Variants in STPG3 observed in about 807,000 individuals in gnomAD.
STPG3 encodes sperm-tail PG-rich repeat containing 3.
In STPG3, 39 loss-of-function variants were observed where a neutral mutation model predicts 32.5. That is an observed-to-expected ratio of 1.20 (90% CI 0.93 to 1.57). STPG3 has a LOEUF of 1.57. STPG3 is among the 40% of genes most tolerant of loss of function. The pLI, the probability that STPG3 is intolerant of heterozygous loss-of-function variation, is 0.00. For synonymous variants in STPG3, 209 were observed against 172.4 expected (o/e 1.21, Z -1.66); for missense variants, 507 against 407.6 (o/e 1.24, Z -2.10).
At position 137,253,343 on chromosome 9, in the gene STPG3, C is replaced by T; in HGVS notation, c.*98C>T. On this transcript the variant is annotated 3_prime_UTR_variant, in exon 6 of 6. Transcript: ENST00000412566. Reference sequence around the variant, plus strand: ...CTCCCCTGGGACTTGGGGCCCCAGCCTGGCCTTCTGACCCTCTGGGCACCC... The same window carrying T: ...CTCCCCTGGGACTTGGGGCCCCAGCTTGGCCTTCTGACCCTCTGGGCACCC... 1.3e-6 allele frequency: 2 copies of T among 1,545,624 alleles called. No individual in the cohort carries two copies. Among genetic ancestry groups the T allele is most frequent in the Non-Finnish European group, 1.7e-6 (2 of 1,146,256 alleles).
At position 137,252,648 on chromosome 9, in the gene STPG3, C is replaced by T. The variant is rs1456403614; in HGVS notation, c.493-14C>T. ...AGCACCCTGCCCTGCAGCCCGTCTC[C>T]TACCCCCTCGCAGTGGCCCTCGCCA... On this transcript the variant is annotated splice_polypyrimidine_tract_variant and intron_variant, in intron 4 of 5. Coordinates refer to ENST00000412566, the MANE Select transcript of STPG3 (RefSeq NM_001004353.4). The T allele has an allele frequency of 6.5e-7, 1 of 1,535,962 alleles. No homozygotes were observed. Among genetic ancestry groups the T allele is most frequent in the South Asian group, 1.2e-5 (1 of 83,362 alleles).
chr9:137,251,320 C>A lies in STPG3; in HGVS notation c.34C>A (p.Leu12Met). Residue 12 changes from leucine to methionine, a missense_variant, in exon 1 of 6, where the codon CTG becomes ATG. Transcript: ENST00000412566. The part of the protein sequence containing the change: ...MNSDQKAVKF[L>M]ANFYINGGKH... ...TTCTGACCAGAAGGCAGTGAAATTC[C>A]TGGCAAATTTTTACATCAATGGAGG... 1 of 1,613,722 alleles carries A rather than the reference C, an allele frequency of 6.2e-7. No homozygotes were observed. Among genetic ancestry groups the A allele is most frequent in the Non-Finnish European group, 8.5e-7 (1 of 1,179,730 alleles).
rs749365342 is a variant in STPG3 at position 137,252,736 on chromosome 9, C to T, written c.567C>T (p.Ser189=). The change falls in exon 5 of 6, where the codon TCC becomes TCT. Residue 189 remains serine, a synonymous_variant. Transcript: ENST00000412566. The part of the protein sequence containing the change: ...FPAFSFRGCH[S]ASKTPEGHTH... ...CCTTCAGCTTCAGAGGCTGCCACTC[C>T]GCTTCCAAGACACCTGAAGGCCACA... The T allele has an allele frequency of 2.8e-5, 44 of 1,555,312 alleles. No homozygotes were observed. The highest frequency in any genetic ancestry group is 1.2e-4 in the African/African-American group (9 of 73,164).
chr9:137,253,273 C>G lies in STPG3; in HGVS notation c.*28C>G, dbSNP rs370672380. ...CCAGCTGGGCACAACCTGCTTGGCC[C>G]GGCCACCGAGTGGAACCATGGCCTC... On this transcript the variant is annotated 3_prime_UTR_variant, in exon 6 of 6. Coordinates refer to ENST00000412566, the MANE Select transcript of STPG3 (RefSeq NM_001004353.4). 2.5e-6 allele frequency: 4 copies of G among 1,591,404 alleles called. No homozygotes were observed. The highest frequency in any genetic ancestry group is 3.4e-6 in the Non-Finnish European group (4 of 1,169,856).
rs375334880 is a variant in STPG3 at position 137,253,129 on chromosome 9, C to T, written c.811C>T (p.Pro271Ser). 1.9e-6 allele frequency: 3 copies of T among 1,576,378 alleles called. No homozygotes were observed. The highest frequency in any genetic ancestry group is 2.6e-6 in the Non-Finnish European group (3 of 1,157,836). ...SWLSTSRTPG[P>S]AAYHVEDCNS... ...TCTTTCGGCAGCCCGAACCCCTGGC[C>T]CAGCCGCCTACCACGTGGAGGACTG... Residue 271 changes from proline to serine, a missense_variant, in exon 6 of 6, where the codon CCA becomes TCA. Pro to Ser is a moderately conservative substitution (Grantham distance 74, BLOSUM62 -1). Transcript: ENST00000412566.
Position 137,253,281 on chromosome 9 carries a change from G to T in STPG3, c.*36G>T. 1 of 1,585,876 alleles carries T rather than the reference G, an allele frequency of 6.3e-7. No individual in the cohort carries two copies. The highest frequency in any genetic ancestry group is 2.3e-5 in the East Asian group (1 of 43,154). On this transcript the variant is annotated 3_prime_UTR_variant, in exon 6 of 6. Coordinates refer to ENST00000412566, the MANE Select transcript of STPG3 (RefSeq NM_001004353.4). ...GCACAACCTGCTTGGCCCGGCCACC[G>T]AGTGGAACCATGGCCTCCCCCGGGG...
chr9:137,252,927 TGA>T lies in STPG3; in HGVS notation c.760_761del (p.Ser254ProfsTer128), dbSNP rs1412576266. The stretch of plus-strand genomic sequence containing the variant: ...AGCCCCCGCTCGCCGGCCTTCTCGA[TGA>T]GCCGCTCCCCTGCGTTCACCTCCTG... On this transcript the variant is annotated frameshift_variant, in exon 5 of 6. Coordinates refer to ENST00000412566, the MANE Select transcript of STPG3 (RefSeq NM_001004353.4). LOFTEE classifies it low-confidence loss of function (END_TRUNC). The T allele has an allele frequency of 6.2e-7, 1 of 1,600,708 alleles. No individual in the cohort carries two copies. Among genetic ancestry groups the T allele is most frequent in the Admixed American group, 1.7e-5 (1 of 58,468 alleles).
In STPG3 at chr9:137,252,779, G is replaced by A. The variant is rs920615464; in HGVS notation, c.610G>A (p.Gly204Arg). 9 of 1,561,416 alleles carry A rather than the reference G, an allele frequency of 5.8e-6. No individual in the cohort carries two copies. Among genetic ancestry groups the A allele is most frequent in the East Asian group, 4.8e-5 (2 of 41,760 alleles). The change falls in exon 5 of 6, where the codon GGG (glycine) becomes AGG (arginine). Residue 204 changes from glycine (G) to arginine (R), a missense_variant. Physicochemically the swap from Gly to Arg is moderately radical, Grantham distance 125. Coordinates refer to ENST00000412566, the MANE Select transcript of STPG3 (RefSeq NM_001004353.4). ...PEGHTHLGLPGARGLGLRVQP... is the reference protein window; with the variant it reads ...PEGHTHLGLPRARGLGLRVQP... ...AGGCCACACCCACCTAGGGCTGCCT[G>A]GGGCTAGGGGGCTGGGCCTCAGGGT... is the stretch of plus-strand genomic sequence containing the variant.
chr9:137,252,688 G>A lies in STPG3; in HGVS notation c.519G>A (p.Leu173=), dbSNP rs1463445915. 1.9e-6 allele frequency: 3 copies of A among 1,550,322 alleles called. No individual in the cohort carries two copies. Among genetic ancestry groups the A allele is most frequent in the Non-Finnish European group, 2.6e-6 (3 of 1,147,082 alleles). The change falls in exon 5 of 6, where the codon CTG becomes CTA. Residue 173 remains leucine (L), a synonymous_variant. Coordinates refer to ENST00000412566, the MANE Select transcript of STPG3 (RefSeq NM_001004353.4). ...QKWPSPAHYQ[L]LSRPAFPAFS... The stretch of plus-strand genomic sequence containing the variant: ...GGCCCTCGCCAGCCCACTACCAGCT[G>A]CTCAGCCGGCCCGCCTTCCCCGCCT...
chr9:137,252,379 G>A (rs1037954774), intron 3 of STPG3, 58 bp from the exon 4 acceptor site: 2 of 1,536,498 alleles, frequency 1.3e-6, no homozygotes, highest in Non-Finnish European at 1.8e-6. Context: ...AGGTTCGAGT[G>A]GGGACTGTCA....
chr9:137,253,370 G>A lies in STPG3; in HGVS notation c.*125G>A, dbSNP rs1564439483. The A allele has an allele frequency of 3.3e-6, 5 of 1,534,244 alleles. No homozygotes were observed. Among genetic ancestry groups the A allele is most frequent in the Non-Finnish European group, 4.4e-6 (5 of 1,142,354 alleles). Reference sequence around the variant, plus strand: ...GGCCTTCTGACCCTCTGGGCACCCCGATGCACCCTTCTGGCTGGCCAACCC... The same window carrying A: ...GGCCTTCTGACCCTCTGGGCACCCCAATGCACCCTTCTGGCTGGCCAACCC... On this transcript the variant is annotated 3_prime_UTR_variant, in exon 6 of 6. Transcript: ENST00000412566.
chr9:137,251,435 G>C lies in STPG3; in HGVS notation c.110+39G>C, dbSNP rs778696316. 4.1e-6 allele frequency: 6 copies of C among 1,478,842 alleles called. No homozygotes were observed. The African/African-American group carries it at 6.9e-5, about 17-fold the overall frequency. The allele number at this position is 1,478,842 out of a possible 1,614,324, so 91.6% of individuals were successfully genotyped here. On this transcript the variant is annotated intron_variant, in intron 1 of 5. Transcript: ENST00000412566. ...AGGGGGAGAAGGGGCGGGCCAGCTGGGAGTGGCCAGGGGGCTGAGGGACAG... is the reference window on the plus strand; with the variant it reads ...AGGGGGAGAAGGGGCGGGCCAGCTGCGAGTGGCCAGGGGGCTGAGGGACAG...
chr9:137,252,781 G>A lies in STPG3; in HGVS notation c.612G>A (p.Gly204=). The A allele has an allele frequency of 6.4e-7, 1 of 1,561,838 alleles. No homozygotes were observed. The change falls in exon 5 of 6, where the codon GGG becomes GGA. Residue 204 remains glycine, a synonymous_variant. Coordinates refer to ENST00000412566, the MANE Select transcript of STPG3 (RefSeq NM_001004353.4). ...GCCACACCCACCTAGGGCTGCCTGG[G>A]GCTAGGGGGCTGGGCCTCAGGGTGC... The part of the protein sequence containing the change: ...PEGHTHLGLP[G]ARGLGLRVQP...
chr9:137,253,052 T>A, intron 5 of STPG3, 63 bp from the exon 6 acceptor site: 4 of 1,518,534 alleles, frequency 2.6e-6, no homozygotes, highest in Non-Finnish European at 3.6e-6. Context: ...GGGTGGGAAC[T>A]GGGAGCCAGG....
Position 137,251,844 on chromosome 9 carries a change from G to A in STPG3, c.217G>A (p.Gly73Ser). 6.2e-7 allele frequency: 1 copy of A among 1,607,590 alleles called. No individual in the cohort carries two copies. Among genetic ancestry groups the A allele is most frequent in the Non-Finnish European group, 8.5e-7 (1 of 1,177,160 alleles). Residue 73 changes from glycine (G) to serine (S), a missense_variant, in exon 2 of 6, where the codon GGC becomes AGC. Coordinates refer to ENST00000412566, the MANE Select transcript of STPG3 (RefSeq NM_001004353.4). ...CCCAGTTGGCCTCAGGTTACAGACG[G>A]GCACCCCCCAGGAGTCCCTGCCCAC... ...EIPVGLRLQT[G>S]TPQESLPTYT...
At chr9:137,251,425 G>T in intron 1 of STPG3, 29 bp downstream of exon 1, 1 of 1,540,718 alleles carries the variant, frequency 6.5e-7, no homozygotes, top group Non-Finnish European at 8.9e-7. Flanking sequence ...GAGAAGGGGC[G>T]GGCCAGCTGG....
intron 1 of STPG3, 137 bp downstream of exon 1, chr9:137,251,533 G>A (rs370458251): frequency 2.6e-5 from 25 of 949,806 alleles, no homozygotes; most frequent in African/African-American, 2.3e-4. Context: ...TGGGGCAGGC[G>A]GCTGGGAGCG....
chr9:137,251,937 T>TG, intron 2 of STPG3, 42 bp downstream of exon 2: 1 of 1,595,826 alleles, frequency 6.3e-7, no homozygotes. Flanking sequence ...AGCTGGTCTT[T>TG]GGGGGGCTGT....
rs376491145 is a variant in STPG3 at position 137,251,864 on chromosome 9, G to A, written c.237G>A (p.Leu79=). The stretch of plus-strand genomic sequence containing the variant: ...AGACGGGCACCCCCCAGGAGTCCCT[G>A]CCCACCTACACCCAGACCCTGAGGG... The part of the protein sequence containing the change: ...RLQTGTPQES[L]PTYTQTLREL... The change falls in exon 2 of 6, where the codon CTG becomes CTA. Residue 79 remains leucine (L), a synonymous_variant. Transcript: ENST00000412566. 6 of 1,608,690 alleles carry A rather than the reference G, an allele frequency of 3.7e-6. No individual in the cohort carries two copies. The highest frequency in any genetic ancestry group is 2.2e-5 in the East Asian group (1 of 44,668).
Sources: gnomAD v4.1 joint callset for allele counts on GRCh38, gnomAD v4.1.1 for gene constraint, MANE v1.5 for transcripts, NCBI Gene and HGNC (gene_info 2026-07-23, HGNC 2026-07-21) for gene names.